DPP6: variants seen among roughly 807,000 people sequenced by gnomAD.
DPP6 encodes dipeptidyl peptidase like 6, also known as A-type potassium channel modulatory protein DPP6.
Under a neutral mutation model 122.6 loss-of-function variants are expected in DPP6, and 69 were observed. The observed-to-expected ratio is 0.56, with a 90% CI of 0.46 to 0.69. The LOEUF (loss-of-function observed/expected upper bound fraction) is 0.69. Ranked by LOEUF, DPP6 falls within the 30% of genes least tolerant of loss-of-function variation. The probability of loss-of-function intolerance (pLI) is 0.00; values close to 1 mark genes in which losing one functional copy is unlikely to be tolerated. For missense variants in DPP6, 928 were observed against 1,116.9 expected, an observed-to-expected ratio of 0.83 and a Z score of 2.41; for synonymous variants, 418 against 433.1, an observed-to-expected ratio of 0.97 and a Z score of 0.43.
the DPP6 span, among the ~76,000 whole-genome samples, chr7:153,783,784 C>T: frequency 2.6e-3 from 399 of 152,278 alleles, no homozygotes; most frequent in African/African-American, 9.1e-3. Flanking sequence ...AATTTCACTG[C>T]CAACTGCACA....
chr7:154,353,533 A>C (rs1811044347), intron 1 of DPP6, among the ~76,000 whole-genome samples: 1 of 152,146 alleles, frequency 6.6e-6, no homozygotes, highest in African/African-American at 2.4e-5. Flanking sequence ...AGGCATTTTA[A>C]ATCTTTCCAT....
chr7:153,877,965 C>T, the DPP6 span, among the ~76,000 whole-genome samples: 12 of 152,244 alleles, frequency 7.9e-5, no homozygotes, highest in South Asian at 1.0e-3. Flanking sequence ...AACATTAACA[C>T]GCACGTCACA....
chr7:154,062,011 C>A (rs1427596750), intron 1 of DPP6, among the ~76,000 whole-genome samples: 10 of 96,744 alleles, frequency 1.0e-4, no homozygotes, highest in African/African-American at 3.8e-4. Flanking sequence ...GTACCCCCAT[C>A]GCAGGGGGGG....
intron 1 of DPP6, among the ~76,000 whole-genome samples, chr7:154,173,468 C>T (rs967437224): frequency 5.9e-5 from 9 of 152,108 alleles, no homozygotes; most frequent in Non-Finnish European, 1.3e-4. Context: ...TTCTGTTTTC[C>T]CTTTCACCCT....
intron 1 of DPP6, among the ~76,000 whole-genome samples, chr7:154,000,330 T>C (rs767634795): frequency 6.6e-6 from 1 of 152,180 alleles, no homozygotes; most frequent in Non-Finnish European, 1.5e-5. Flanking sequence ...CCTTGCTAGC[T>C]CATTGCGGAT....
chr7:154,708,149 C>T (rs143099817), intron 7 of DPP6, among the ~76,000 whole-genome samples: 1 of 152,272 alleles, frequency 6.6e-6, no homozygotes, highest in Admixed American at 6.5e-5. Context: ...TGACTCCTGG[C>T]AATTTTAGGA....
intron 16 of DPP6, 130 bp from the exon 17 acceptor site, chr7:154,853,650 T>C: frequency 1.5e-6 from 2 of 1,303,300 alleles, no homozygotes; most frequent in Non-Finnish European, 2.1e-6. Context: ...TGATTACTCT[T>C]GCATGAATTC....
At chr7:154,517,222 GT>G (rs1192685035) in intron 3 of DPP6, among the ~76,000 whole-genome samples, 1 of 152,194 alleles carries the variant, frequency 6.6e-6, no homozygotes, top group Non-Finnish European at 1.5e-5. Flanking sequence ...GGTGTTCTAG[GT>G]TGGAATAATA....
chr7:154,307,880 A>G (rs1286007548), intron 1 of DPP6, among the ~76,000 whole-genome samples: 1 of 143,016 alleles, frequency 7.0e-6, no homozygotes, highest in African/African-American at 2.6e-5. Context: ...TTTTTTTTTT[A>G]ATTTATTTTT....
At chr7:154,745,440 G>GA (rs528383943) in intron 8 of DPP6, among the ~76,000 whole-genome samples, 6 of 152,168 alleles carry the variant, frequency 3.9e-5, no homozygotes, top group South Asian at 2.1e-4. Context: ...TAACTAGATA[G>GA]AAAAAAAATG....
intron 1 of DPP6, among the ~76,000 whole-genome samples, chr7:154,235,175 C>T (rs1049096263): frequency 3.3e-5 from 5 of 152,228 alleles, no homozygotes; most frequent in Non-Finnish European, 7.3e-5. Context: ...TTAGCAGTCA[C>T]TCTGCATCCT....
intron 17 of DPP6, among the ~76,000 whole-genome samples, chr7:154,865,983 G>A (rs1803842231): frequency 6.6e-6 from 1 of 152,190 alleles, no homozygotes; most frequent in Admixed American, 6.5e-5. Flanking sequence ...TAGGGAGAAG[G>A]ATTTGCTGCC....
upstream of DPP6, among the ~76,000 whole-genome samples, chr7:154,051,889 C>A (rs1350622774): frequency 6.6e-6 from 1 of 151,480 alleles, no homozygotes; most frequent in Non-Finnish European, 1.5e-5. Flanking sequence ...GACCACCCCG[C>A]GCCCTCCTGG....
intron 2 of DPP6, among the ~76,000 whole-genome samples, chr7:154,462,050 G>T (rs1821345624): frequency 6.6e-6 from 1 of 152,038 alleles, no homozygotes; most frequent in South Asian, 2.1e-4. Flanking sequence ...TGGTGAGAGG[G>T]AAGGGTCTAG....
chr7:154,769,372 A>G, intron 8 of DPP6, 45 bp from the exon 9 acceptor site: 1 of 1,606,610 alleles, frequency 6.2e-7, no homozygotes, highest in Non-Finnish European at 8.5e-7. Flanking sequence ...TCCAATTTCC[A>G]CTCACTTGTT....
chr7:154,803,589 C>T (rs928924873), intron 13 of DPP6, among the ~76,000 whole-genome samples: 5 of 152,172 alleles, frequency 3.3e-5, no homozygotes, highest in African/African-American at 9.7e-5. Flanking sequence ...GGTTGGAGGC[C>T]AGGTCCAAGT....
Position 154,481,019 on chromosome 7 carries a change from T to C in DPP6, c.457+5982T>C, listed in dbSNP as rs188565736. On this transcript the variant is annotated intron_variant, in intron 3 of 25. Coordinates refer to ENST00000377770, the MANE Select transcript of DPP6 (RefSeq NM_130797.4). The surrounding 1 kb of genome is among the most constrained non-coding windows in gnomAD (Gnocchi z 4.2). The stretch of plus-strand genomic sequence containing the variant: ...GTGATGTTTGGGTGCATGAATACCA[T>C]GGCAGACTTGGCATCAGTCCACTCG... Among the ~76,000 whole-genome samples the C allele has an allele frequency of 2.5e-3, 382 of 152,222 alleles. 1 individual carries two copies. The highest frequency in any genetic ancestry group is 6.8e-3 in the Middle Eastern group (2 of 294).
intron 1 of DPP6, among the ~76,000 whole-genome samples, chr7:154,157,901 C>A (rs1796766451): frequency 6.6e-6 from 1 of 150,820 alleles, no homozygotes; most frequent in South Asian, 2.1e-4. Flanking sequence ...CCATTGCACT[C>A]CAGCCTGGGC....
chr7:154,567,884 T>C (rs1830861320), intron 5 of DPP6, among the ~76,000 whole-genome samples: 1 of 152,264 alleles, frequency 6.6e-6, no homozygotes, highest in South Asian at 2.1e-4. Flanking sequence ...AGTTCAATTC[T>C]GAATTCTTAA....
Sources: gnomAD v4.1 joint callset for allele counts (sites outside exome capture counted in the v4.1 genomes callset) on GRCh38, gnomAD v4.1.1 for gene constraint, Gnocchi (gnomAD v3.1) non-coding constraint, MANE v1.5 for transcripts, NCBI Gene and HGNC (gene_info 2026-07-23, HGNC 2026-07-21) for gene names.